GRIK1: variants seen among roughly 807,000 people sequenced by gnomAD.
GRIK1 encodes the protein glutamate ionotropic receptor kainate type subunit 1.
In GRIK1, 69 loss-of-function variants were observed where a neutral mutation model predicts 105.7. The observed-to-expected ratio is 0.65, with a 90% confidence interval of 0.54 to 0.80. The LOEUF (loss-of-function observed/expected upper bound fraction) is 0.80, where lower values mean the gene tolerates loss of function less well. Among genes scored for constraint, GRIK1 ranks in the 30% least tolerant of loss-of-function variants. The probability of loss-of-function intolerance (pLI) is 0.00; values close to 1 mark genes in which losing one functional copy is unlikely to be tolerated. For synonymous variants in GRIK1, 438 were observed against 431.3 expected (o/e 1.02, Z -0.19); for missense variants, 1,109 against 1,167.3 (o/e 0.95, Z 0.73).
chr21:29,721,097 C>T (rs899008187), intron 1 of GRIK1, among the ~76,000 whole-genome samples: 6 of 151,380 alleles, frequency 4.0e-5, no homozygotes, highest in African/African-American at 1.5e-4. Context: ...ATCCCCCTCC[C>T]CTCTCCCCTA....
chr21:29,927,453 A>C (rs2071410657), intron 1 of GRIK1, among the ~76,000 whole-genome samples: 1 of 150,336 alleles, frequency 6.7e-6, no homozygotes, highest in African/African-American at 2.4e-5. Flanking sequence ...TAGTGTGTAT[A>C]ATATATGCAA....
chr21:29,624,477 A>T (rs1389861170), intron 7 of GRIK1, among the ~76,000 whole-genome samples: 1 of 152,214 alleles, frequency 6.6e-6, no homozygotes, highest in Non-Finnish European at 1.5e-5. Flanking sequence ...TAAATTTTAA[A>T]GCTGTATTTA....
chr21:29,560,234 T>C (rs1284723964), intron 15 of GRIK1, among the ~76,000 whole-genome samples: 2 of 152,130 alleles, frequency 1.3e-5, no homozygotes, highest in Non-Finnish European at 2.9e-5. Context: ...AGGGCTCACT[T>C]GGGAAGAGCA....
Position 29,632,343 on chromosome 21 carries a change from C to T in GRIK1, c.1098+10483G>A, listed in dbSNP as rs530301829. ...TTCTTGGTGTCTAAAAGAGTGTCTG[C>T]CACATACTAGGTATTCAGTAAATAC... On this transcript the variant is annotated intron_variant, in intron 7 of 17. Coordinates refer to ENST00000327783, the MANE Select transcript of GRIK1 (RefSeq NM_001330994.2). Among the ~76,000 whole-genome samples, 5 of 152,016 alleles carry T rather than the reference C, an allele frequency of 3.3e-5. No individual in the cohort carries two copies. In the South Asian group the frequency reaches 1.0e-3, roughly 32 times the overall value.
intron 1 of GRIK1, among the ~76,000 whole-genome samples, chr21:29,729,346 C>T (rs2064551810): frequency 6.6e-6 from 1 of 152,244 alleles, no homozygotes; most frequent in East Asian, 1.9e-4. Context: ...AGAATCTTGG[C>T]AGCAGTGGCA....
chr21:29,776,352 ATAAGGTGAATAT>A (rs2065943759), intron 1 of GRIK1, among the ~76,000 whole-genome samples: 1 of 152,258 alleles, frequency 6.6e-6, no homozygotes, highest in South Asian at 2.1e-4. Flanking sequence ...CTTGGATTGA[ATAAGGTGAATAT>A]TGAGTTTGTA....
intron 3 of GRIK1, among the ~76,000 whole-genome samples, chr21:29,684,731 C>T (rs560407719): frequency 5.3e-5 from 8 of 152,184 alleles, no homozygotes; most frequent in East Asian, 1.9e-4. Flanking sequence ...AGGATGGTCT[C>T]GATCTCCTGA....
intron 14 of GRIK1, among the ~76,000 whole-genome samples, chr21:29,566,212 T>C (rs2832398): frequency 0.76 from 115,020 of 152,056 alleles, 43,586 homozygotes; most frequent in Middle Eastern, 0.8. Flanking sequence ...TGTCAACCAG[T>C]CTCCTAAATC....
At chr21:29,778,905 G>T (rs1158507274) in intron 1 of GRIK1, among the ~76,000 whole-genome samples, 1 of 152,122 alleles carries the variant, frequency 6.6e-6, no homozygotes, top group Non-Finnish European at 1.5e-5. Context: ...CTCTTAACCA[G>T]AGGGCTTTTC....
chr21:29,755,098 C>T (rs2065302095), intron 1 of GRIK1, among the ~76,000 whole-genome samples: 1 of 152,174 alleles, frequency 6.6e-6, no homozygotes, highest in Admixed American at 6.5e-5. Flanking sequence ...TATTTGAATA[C>T]ACAAATTCTA....
chr21:29,915,675 T>C (rs529885602), intron 1 of GRIK1, among the ~76,000 whole-genome samples: 1 of 152,156 alleles, frequency 6.6e-6, no homozygotes, highest in African/African-American at 2.4e-5. Context: ...CCATAGGATC[T>C]GAGTCTCTGC....
rs1602103002 is a variant in GRIK1 at position 29,939,417 on chromosome 21, G to C, written c.84C>G (p.Ile28Met). The C allele has an allele frequency of 1.3e-6, 2 of 1,574,534 alleles. No homozygotes were observed. Among genetic ancestry groups the C allele is most frequent in the Non-Finnish European group, 1.7e-6 (2 of 1,158,128 alleles). Reference protein sequence around the residue: ...SWALLYFLCYILPQTAPQVLR... With the variant: ...SWALLYFLCYMLPQTAPQVLR... ...GTACTTGCGGGGCGGTCTGAGGGAG[G>C]ATATAGCAGAGGAAATAGAGGAGTG... The change falls in exon 1 of 18, where the codon ATC becomes ATG. Residue 28 changes from isoleucine (I) to methionine (M), a missense_variant. Transcript: ENST00000327783.
chr21:29,907,744 T>C (rs2146283974), intron 1 of GRIK1, among the ~76,000 whole-genome samples: 1 of 151,954 alleles, frequency 6.6e-6, no homozygotes, highest in East Asian at 1.9e-4. Flanking sequence ...CCTACAGGAG[T>C]CTCATTCTGT....
At chr21:29,719,969 T>C (rs1415550618) in intron 1 of GRIK1, among the ~76,000 whole-genome samples, 3 of 152,252 alleles carry the variant, frequency 2.0e-5, no homozygotes, top group Non-Finnish European at 4.4e-5. Flanking sequence ...AAGTCATTTC[T>C]GAATTTTCCT....
chr21:29,632,212 G>A (rs1303108549), intron 7 of GRIK1, among the ~76,000 whole-genome samples: 1 of 151,996 alleles, frequency 6.6e-6, no homozygotes, highest in Non-Finnish European at 1.5e-5. Flanking sequence ...TGTATGGTAT[G>A]CCCTTCCCTC....
chr21:29,848,823 C>A (rs149069691), intron 1 of GRIK1, among the ~76,000 whole-genome samples: 26 of 125,610 alleles, frequency 2.1e-4, no homozygotes, highest in African/African-American at 7.5e-4. Flanking sequence ...GTTTGGTATA[C>A]GTAAAATGTG....
Position 29,537,556 on chromosome 21 carries a change from CTAA to C in GRIK1, c.2695-174_2695-172del, listed in dbSNP as rs752741488. On this transcript the variant is annotated intron_variant, in intron 17 of 17. Coordinates refer to ENST00000327783, the MANE Select transcript of GRIK1 (RefSeq NM_001330994.2). ...TCCACCCGCTGGCCACCCACCTTTT[CTAA>C]TCGGGGAAACTGAGATGGCAAGTTA... The C allele has an allele frequency of 2.2e-3, 1,433 of 657,184 alleles. 9 individuals are homozygous for C. The highest frequency in any genetic ancestry group is 1.3e-3 in the Non-Finnish European group (471 of 370,922). The allele number at this position is 657,184 out of a possible 1,614,324, so 40.7% of individuals were successfully genotyped here.
At chr21:29,741,090 C>G (rs949061895) in intron 1 of GRIK1, among the ~76,000 whole-genome samples, 8 of 152,178 alleles carry the variant, frequency 5.3e-5, no homozygotes, top group African/African-American at 1.9e-4. Flanking sequence ...TTCCATTGCC[C>G]CTTTGCCAGG....
chr21:29,663,912 T>A (rs546710572), intron 4 of GRIK1, among the ~76,000 whole-genome samples: 23 of 152,200 alleles, frequency 1.5e-4, no homozygotes, highest in Non-Finnish European at 2.9e-4. Context: ...GGCAGAGAGA[T>A]CAATTATATT....
Sources: allele counts gnomAD v4.1 joint callset (sites outside exome capture counted in the v4.1 genomes callset), GRCh38; gene constraint gnomAD v4.1.1; transcripts MANE v1.5; gene names NCBI Gene and HGNC (gene_info 2026-07-23, HGNC 2026-07-21).